Variants in EHD4 observed in about 807,000 individuals in gnomAD.
EHD4 encodes the protein EH domain-containing protein 4.
A neutral mutation model predicts 51.0 loss-of-function variants in EHD4; 37 were observed. The ratio of observed to expected loss-of-function variants is 0.73; its 90% CI spans 0.56 to 0.95. EHD4 has a LOEUF of 0.95. EHD4 is among the 40% of genes least tolerant of loss of function. The pLI, the probability that EHD4 is intolerant of heterozygous loss-of-function variation, is 0.00. For missense variants in EHD4, 632 were observed against 733.1 expected (o/e 0.86, Z 1.59); for synonymous variants, 297 against 317.3 (o/e 0.94, Z 0.68).
Position 41,959,613 on chromosome 15 carries a change from G to C in EHD4, c.237-5673C>G, listed in dbSNP as rs2067912015. ...TGATCCACTATTTCACTAGGAGAGG[G>C]ATGAAAAGGAAGAGTTACTACTTCT... On this transcript the variant is annotated intron_variant, in intron 1 of 5. Coordinates refer to ENST00000220325, the MANE Select transcript of EHD4 (RefSeq NM_139265.4). 3.9e-5 allele frequency among the ~76,000 whole-genome samples: 6 copies of C among 152,082 alleles called. No individual in the cohort carries two copies. In the South Asian group the frequency reaches 1.0e-3, roughly 26 times the overall value.
intron 1 of EHD4, among the ~76,000 whole-genome samples, chr15:41,964,785 A>ATT (rs1448261111): frequency 5.3e-5 from 8 of 150,090 alleles, no homozygotes; most frequent in South Asian, 2.1e-4. Context: ...ATATATATAT[A>ATT]TTTTGAGACA....
At chr15:41,950,562 G>T (rs1268686561) in intron 2 of EHD4, among the ~76,000 whole-genome samples, 1 of 152,162 alleles carries the variant, frequency 6.6e-6, no homozygotes, top group African/African-American at 2.4e-5. Flanking sequence ...ATATTTGAAC[G>T]CCCTAACTAA....
At chr15:41,950,867 T>C (rs947964505) in intron 2 of EHD4, among the ~76,000 whole-genome samples, 3 of 152,218 alleles carry the variant, frequency 2.0e-5, no homozygotes, top group Non-Finnish European at 2.9e-5. Flanking sequence ...TTCTCATTTG[T>C]AGATTGGCAA....
rs553925924 is a variant in EHD4, at chr15:41,901,332, G to A, written c.1090-151C>T. ...CTTTGGGAGCTTCCCACATCCAGAT[G>A]TACCACATATAGGAGTGGTTGTTTT... On this transcript the variant is annotated intron_variant, in intron 5 of 5. Coordinates refer to ENST00000220325, the MANE Select transcript of EHD4 (RefSeq NM_139265.4). 5 of 733,134 alleles carry A rather than the reference G, an allele frequency of 6.8e-6. No individual in the cohort carries two copies. The South Asian group carries it at 1.5e-4, about 22-fold the overall frequency. The allele number at this position is 733,134 out of a possible 1,614,324, so 45.4% of individuals were successfully genotyped here. A position where few individuals can be genotyped will look rare whatever the true frequency, so the allele number is the denominator to read the frequency against.
At chr15:41,914,756 C>CA (rs2067572215) in intron 4 of EHD4, among the ~76,000 whole-genome samples, 1 of 150,386 alleles carries the variant, frequency 6.6e-6, no homozygotes, top group Non-Finnish European at 1.5e-5. Flanking sequence ...ATTTGGTGCA[C>CA]AAAAAATGCC....
chr15:41,921,091 C>A (rs2067621930), intron 3 of EHD4, among the ~76,000 whole-genome samples: 1 of 152,174 alleles, frequency 6.6e-6, no homozygotes, highest in Non-Finnish European at 1.5e-5. Context: ...GGATTCAGGT[C>A]CATTTTTCAT....
chr15:41,934,683 C>T (rs1040240355), intron 3 of EHD4, among the ~76,000 whole-genome samples: 5 of 152,026 alleles, frequency 3.3e-5, no homozygotes, highest in Admixed American at 1.3e-4. Context: ...GCTAGTCTTC[C>T]GAGCATCATT....
chr15:41,901,168 T>A lies in EHD4; in HGVS notation c.1103A>T (p.Asn368Ile). The change falls in exon 6 of 6, where the codon AAC becomes ATC. Residue 368 changes from asparagine to isoleucine, a missense_variant. By Grantham distance (149) the Asn-to-Ile change is moderately radical. Coordinates refer to ENST00000220325, the MANE Select transcript of EHD4 (RefSeq NM_139265.4). ...EVKAMQEQLE[N>I]YDFTKFHSLK... ...CGAGTGGAATTTGGTGAAGTCATAGTTCTCAAGCTGTTCCTGCAGAAGGAC... is the reference window on the plus strand; with the variant it reads ...CGAGTGGAATTTGGTGAAGTCATAGATCTCAAGCTGTTCCTGCAGAAGGAC... 6.4e-7 allele frequency: 1 copy of A among 1,551,346 alleles called. No homozygotes were observed. The highest frequency in any genetic ancestry group is 8.7e-7 in the Non-Finnish European group (1 of 1,149,786).
intron 5 of EHD4, among the ~76,000 whole-genome samples, chr15:41,903,461 C>T (rs1317565174): frequency 9.6e-6 from 1 of 104,064 alleles, no homozygotes; most frequent in Non-Finnish European, 2.0e-5. Flanking sequence ...CATACACACA[C>T]ACACACACAC....
intron 3 of EHD4, among the ~76,000 whole-genome samples, chr15:41,938,981 T>C (rs990448045): frequency 6.6e-6 from 1 of 152,204 alleles, no homozygotes; most frequent in Non-Finnish European, 1.5e-5. Context: ...GACTCAATAG[T>C]ATTCTAGGAA....
At chr15:41,942,980 G>A in intron 3 of EHD4, 87 bp downstream of exon 3, 1 of 1,294,870 alleles carries the variant, frequency 7.7e-7, no homozygotes, top group Non-Finnish European at 1.1e-6. Context: ...AGGACGGATA[G>A]AATAATATAG....
In EHD4 at chr15:41,901,132, T is replaced by C. The variant is rs765799674; in HGVS notation, c.1139A>G (p.Lys380Arg). The C allele has an allele frequency of 2.9e-5, 46 of 1,584,376 alleles. No homozygotes were observed. Among genetic ancestry groups the C allele is most frequent in the South Asian group, 1.9e-4 (16 of 85,414 alleles). ...DFTKFHSLKP[K>R]LIEAVDNMLS... ...CATGTTGTCCACTGCCTCGATCAGC[T>C]TGGGCTTCAGCGAGTGGAATTTGGT... Residue 380 changes from lysine (K) to arginine (R), a missense_variant, in exon 6 of 6, where the codon AAG (lysine) becomes AGG (arginine). Physicochemically the swap from Lys to Arg is conservative, Grantham distance 26. Coordinates refer to ENST00000220325, the MANE Select transcript of EHD4 (RefSeq NM_139265.4).
At chr15:41,953,417 A>T (rs2067865977) in intron 2 of EHD4, among the ~76,000 whole-genome samples, 1 of 152,112 alleles carries the variant, frequency 6.6e-6, no homozygotes, top group African/African-American at 2.4e-5. Context: ...ACAGGGTCTT[A>T]CTTCGTTGTC....
intron 3 of EHD4, chr15:41,942,152 G>C (rs2067776164): frequency 6.6e-6 from 1 of 152,178 alleles, no homozygotes; most frequent in Non-Finnish European, 1.5e-5. Context: ...TCCCGATCAG[G>C]CATTTCCTCT....
chr15:41,909,990 A>G (rs1595530874), intron 4 of EHD4, 127 bp from the exon 5 acceptor site: 3 of 1,238,406 alleles, frequency 2.4e-6, no homozygotes, highest in East Asian at 2.4e-5. Flanking sequence ...TCCCAAGGAC[A>G]GGAGGAGGGG....
chr15:41,927,575 G>T (rs907005444), intron 3 of EHD4, among the ~76,000 whole-genome samples: 1 of 152,166 alleles, frequency 6.6e-6, no homozygotes, highest in Non-Finnish European at 1.5e-5. Flanking sequence ...CATGCTAAGT[G>T]AAATAAGCCC....
At chr15:41,939,195 C>G (rs1023768532) in intron 3 of EHD4, among the ~76,000 whole-genome samples, 9 of 152,196 alleles carry the variant, frequency 5.9e-5, no homozygotes, top group Admixed American at 2.0e-4. Context: ...GGAATCCAAA[C>G]ATTCTTTCAT....
chr15:41,953,669 G>A, intron 2 of EHD4, 95 bp downstream of exon 2: 1 of 1,318,084 alleles, frequency 7.6e-7, no homozygotes, highest in Non-Finnish European at 1.0e-6. Context: ...GAGATTCTTT[G>A]TTCTTCTGTT....
chr15:41,904,613 G>A (rs1410097485), intron 5 of EHD4, among the ~76,000 whole-genome samples: 1 of 152,222 alleles, frequency 6.6e-6, no homozygotes, highest in Non-Finnish European at 1.5e-5. Flanking sequence ...CTCTGGTGGG[G>A]CTGTCCCTTG....
Sources: allele counts gnomAD v4.1 joint callset (sites outside exome capture counted in the v4.1 genomes callset), GRCh38; gene constraint gnomAD v4.1.1; transcripts MANE v1.5; gene names NCBI Gene and HGNC (gene_info 2026-07-23, HGNC 2026-07-21).